RYR3: variants seen among roughly 807,000 people sequenced by gnomAD.
RYR3 encodes ryanodine receptor 3.
Under a neutral mutation model 584.3 loss-of-function variants are expected in RYR3, and 207 were observed. The observed-to-expected ratio is 0.35, with a 90% CI of 0.32 to 0.40. The LOEUF (loss-of-function observed/expected upper bound fraction) is 0.40, where lower values mean the gene tolerates loss of function less well. Among genes scored for constraint, RYR3 ranks in the 10% least tolerant of loss-of-function variants. RYR3 has a pLI of 1.00. For missense variants in RYR3, 5,616 were observed against 6,089.2 expected, an observed-to-expected ratio of 0.92 and a Z score of 2.59; for synonymous variants, 2,416 against 2,248.5, an observed-to-expected ratio of 1.07 and a Z score of -2.11.
At chr15:33,495,324 A>G (rs528690473) in intron 2 of RYR3, among the ~76,000 whole-genome samples, 1 of 152,340 alleles carries the variant, frequency 6.6e-6, no homozygotes, top group African/African-American at 2.4e-5. Context: ...CTCTATCTCC[A>G]GGGATATTGA....
chr15:33,401,651 G>A (rs1364942389), intron 1 of RYR3, among the ~76,000 whole-genome samples: 1 of 152,172 alleles, frequency 6.6e-6, no homozygotes, highest in African/African-American at 2.4e-5. Flanking sequence ...ATGGAAAAAG[G>A]ATATGTCACC....
intron 62 of RYR3, among the ~76,000 whole-genome samples, chr15:33,771,105 TCTCTTTC>T (rs58931483): frequency 0.028 from 4,284 of 152,318 alleles, 207 homozygotes; most frequent in African/African-American, 0.097. Context: ...TTGTCTCTTT[TCTCTTTC>T]CTCATCCAAC....
chr15:33,359,606 T>C (rs990576135), intron 1 of RYR3, among the ~76,000 whole-genome samples: 1 of 150,010 alleles, frequency 6.7e-6, no homozygotes, highest in African/African-American at 2.5e-5. Context: ...ATTTATTTAT[T>C]TATTTATTTA....
intron 1 of RYR3, among the ~76,000 whole-genome samples, chr15:33,413,999 G>T (rs1386264124): frequency 6.6e-6 from 1 of 152,162 alleles, no homozygotes; most frequent in African/African-American, 2.4e-5. Flanking sequence ...AAACATCTGA[G>T]ATACATTTAG....
At position 33,724,052 on chromosome 15, in the gene RYR3, T is replaced by G; in HGVS notation, c.6801-13T>G. 1.3e-6 allele frequency: 2 copies of G among 1,512,822 alleles called. No individual in the cohort carries two copies. The highest frequency in any genetic ancestry group is 1.8e-6 in the Non-Finnish European group (2 of 1,088,844). 93.7% of individuals were successfully genotyped at this position (1,512,822 alleles called of 1,614,324 possible). ...CAACCTTCCTCACACCTCCCCTCTG[T>G]TGGTTCTCTCAGCAGCACGGGGGAC... On this transcript the variant is annotated splice_polypyrimidine_tract_variant and intron_variant, in intron 44 of 103. Coordinates refer to ENST00000634891, the MANE Select transcript of RYR3 (RefSeq NM_001036.6).
At chr15:33,641,936 C>T (rs1321293503) in intron 27 of RYR3, among the ~76,000 whole-genome samples, 3 of 152,208 alleles carry the variant, frequency 2.0e-5, no homozygotes, top group Non-Finnish European at 2.9e-5. Context: ...TGAAGACTCA[C>T]TCCCTCTCAC....
At chr15:33,753,597 A>G (rs959916510) in intron 57 of RYR3, among the ~76,000 whole-genome samples, 2 of 152,208 alleles carry the variant, frequency 1.3e-5, no homozygotes, top group African/African-American at 4.8e-5. Context: ...TTACTGAGCA[A>G]GCTGCTGTTT....
intron 1 of RYR3, among the ~76,000 whole-genome samples, chr15:33,425,676 C>T (rs371867023): frequency 1.4e-5 from 2 of 138,110 alleles, no homozygotes; most frequent in Non-Finnish European, 3.0e-5. Context: ...GAGTCTCGCT[C>T]TGTGGCCCAG....
intron 38 of RYR3, among the ~76,000 whole-genome samples, chr15:33,692,453 C>T (rs186527149): frequency 3.3e-5 from 5 of 151,990 alleles, no homozygotes; most frequent in South Asian, 4.1e-4. Flanking sequence ...AATTTTATTT[C>T]TTTTCATAGT....
intron 32 of RYR3, among the ~76,000 whole-genome samples, chr15:33,653,113 G>C (rs2062590736): frequency 6.6e-6 from 1 of 152,200 alleles, no homozygotes; most frequent in Non-Finnish European, 1.5e-5. Flanking sequence ...TATGCTGGTT[G>C]TCTTTCTAGA....
At position 33,379,687 on chromosome 15, in the gene RYR3, CTATATA is replaced by C. The variant is rs1555448829; in HGVS notation, c.51+68607_51+68612del. On this transcript the variant is annotated intron_variant, in intron 1 of 103. Transcript: ENST00000634891. ...TGTCCCTCTCTCTCTCTCTCTCTCT[CTATATA>C]TATATATATATATATGAATTTGTTA... Among the ~76,000 whole-genome samples, 9 of 125,522 alleles carry C rather than the reference CTATATA, an allele frequency of 7.2e-5. 1 individual carries two copies. The highest frequency in any genetic ancestry group is 2.1e-4 in the African/African-American group (6 of 28,214). The allele number at this position is 125,522 out of a possible 152,430, so 82.3% of individuals were successfully genotyped here. A position where few individuals can be genotyped will look rare whatever the true frequency, so the allele number is the denominator to read the frequency against.
chr15:33,445,664 A>AACACACACACACACACACACACAC (rs61585713), intron 1 of RYR3, among the ~76,000 whole-genome samples: 5 of 106,006 alleles, frequency 4.7e-5, no homozygotes, highest in African/African-American at 7.5e-5. Context: ...TTCCCCCACC[A>AACACACACACACACACACACACAC]ACACACACAC....
chr15:33,581,788 T>G, intron 14 of RYR3, 145 bp downstream of exon 14: 1 of 706,736 alleles, frequency 1.4e-6, no homozygotes. Context: ...CCATTCAATT[T>G]TAACCCAGCT....
chr15:33,458,202 T>A (rs930300), intron 1 of RYR3, among the ~76,000 whole-genome samples: 58,243 of 151,818 alleles, frequency 0.38, 11,501 homozygotes, highest in East Asian at 0.58. Flanking sequence ...CTGGGTAGGG[T>A]AGACAGTGGG....
intron 3 of RYR3, among the ~76,000 whole-genome samples, chr15:33,518,215 A>G (rs1243108856): frequency 6.6e-6 from 1 of 152,184 alleles, no homozygotes; most frequent in African/African-American, 2.4e-5. Flanking sequence ...TCTGAAGATC[A>G]TTCCCAGTCA....
intron 90 of RYR3, among the ~76,000 whole-genome samples, chr15:33,841,231 A>G (rs938251292): frequency 6.6e-6 from 1 of 152,114 alleles, no homozygotes; most frequent in Non-Finnish European, 1.5e-5. Flanking sequence ...ACAAAAAAGA[A>G]AAAAAGAAAA....
intron 18 of RYR3, among the ~76,000 whole-genome samples, chr15:33,603,783 A>G (rs1346507846): frequency 6.6e-6 from 1 of 152,262 alleles, no homozygotes; most frequent in Admixed American, 6.5e-5. Context: ...AAGATGGTTC[A>G]GTAATTTATT....
intron 88 of RYR3, 39 bp from the exon 89 acceptor site, chr15:33,837,592 A>AT: frequency 1.3e-6 from 2 of 1,505,730 alleles, no homozygotes; most frequent in Non-Finnish European, 1.8e-6. Context: ...GCTTGGGTTT[A>AT]TTTGTATATT....
At chr15:33,530,488 TG>T in intron 3 of RYR3, 103 bp from the exon 4 acceptor site, 1 of 775,880 alleles carries the variant, frequency 1.3e-6, no homozygotes, top group Non-Finnish European at 2.2e-6. Context: ...AGCTTTGCAA[TG>T]GGTCTTTTCC....
Sources: gnomAD v4.1 joint callset for allele counts (sites outside exome capture counted in the v4.1 genomes callset) on GRCh38, gnomAD v4.1.1 for gene constraint, MANE v1.5 for transcripts, NCBI Gene and HGNC (gene_info 2026-07-23, HGNC 2026-07-21) for gene names.